TMEM117: variants seen among roughly 807,000 people sequenced by gnomAD.
The protein encoded by TMEM117 is transmembrane protein 117.
A neutral mutation model predicts 52.4 loss-of-function variants in TMEM117; 27 were observed. The observed-to-expected ratio is 0.51, with a 90% CI of 0.38 to 0.71. The LOEUF (loss-of-function observed/expected upper bound fraction) is 0.71. Ranked by LOEUF, TMEM117 falls within the 30% of genes least tolerant of loss-of-function variation. The pLI is 0.00. For missense variants in TMEM117, 556 were observed against 630.5 expected, an observed-to-expected ratio of 0.88 and a Z score of 1.26; for synonymous variants, 215 against 206.3, an observed-to-expected ratio of 1.04 and a Z score of -0.36.
the TMEM117 span, among the ~76,000 whole-genome samples, chr12:43,822,433 A>G: frequency 6.6e-6 from 1 of 151,804 alleles, no homozygotes; most frequent in East Asian, 1.9e-4. Context: ...AATTTGTGTA[A>G]TTTTATAGAT....
At chr12:44,168,638 A>AT (rs1335250222) in intron 4 of TMEM117, among the ~76,000 whole-genome samples, 1 of 151,982 alleles carries the variant, frequency 6.6e-6, no homozygotes, top group African/African-American at 2.4e-5. Context: ...TTTTCATGTT[A>AT]TTTTCTTGAT....
At chr12:44,035,018 A>G (rs929973504) in intron 3 of TMEM117, among the ~76,000 whole-genome samples, 39 of 152,310 alleles carry the variant, frequency 2.6e-4, no homozygotes, top group African/African-American at 8.9e-4. Context: ...CTGGTCCTCA[A>G]ACTGGAATTT....
intron 2 of TMEM117, among the ~76,000 whole-genome samples, chr12:43,856,831 C>T (rs1307285270): frequency 6.6e-6 from 1 of 151,780 alleles, no homozygotes; most frequent in Non-Finnish European, 1.5e-5. Flanking sequence ...AATAAAAAAG[C>T]AGTTCCTTAA....
At chr12:44,280,716 C>T (rs1383179606) in intron 5 of TMEM117, among the ~76,000 whole-genome samples, 1 of 152,096 alleles carries the variant, frequency 6.6e-6, no homozygotes, top group Non-Finnish European at 1.5e-5. Context: ...TTCCTGAATT[C>T]TCTGTGCCCT....
the TMEM117 span, chr12:43,806,370 C>G: frequency 1.6e-5 from 20 of 1,230,194 alleles, no homozygotes; most frequent in Admixed American, 9.0e-5. Context: ...CGCGGCCGCC[C>G]CGCCCCGTGA....
intron 3 of TMEM117, among the ~76,000 whole-genome samples, chr12:43,965,934 A>G (rs867877933): frequency 1.3e-5 from 2 of 152,214 alleles, no homozygotes; most frequent in Middle Eastern, 6.8e-3. Context: ...CCTAATGTCT[A>G]CTGTTGCCAT....
chr12:44,338,315 A>T (rs1951369477), intron 6 of TMEM117, among the ~76,000 whole-genome samples: 1 of 152,118 alleles, frequency 6.6e-6, no homozygotes, highest in African/African-American at 2.4e-5. Flanking sequence ...AAAGGTTTGC[A>T]GGAGTTTTTA....
chr12:44,194,019 A>G (rs886605881), intron 4 of TMEM117, among the ~76,000 whole-genome samples: 4 of 152,346 alleles, frequency 2.6e-5, no homozygotes, highest in Middle Eastern at 3.4e-3. Context: ...AATTATCTAT[A>G]TAGAACATAA....
intron 5 of TMEM117, among the ~76,000 whole-genome samples, chr12:44,226,108 T>A (rs1949857296): frequency 6.6e-6 from 1 of 152,170 alleles, no homozygotes; most frequent in African/African-American, 2.4e-5. Flanking sequence ...ATAGCAAAAA[T>A]TAATACAGCT....
At chr12:44,216,316 C>T (rs1949718404) in intron 5 of TMEM117, among the ~76,000 whole-genome samples, 1 of 152,052 alleles carries the variant, frequency 6.6e-6, no homozygotes, top group South Asian at 2.1e-4. Flanking sequence ...AAAAGGAGCT[C>T]TCTTTTCAGT....
At position 43,987,614 on chromosome 12, in the gene TMEM117, T is replaced by C. The variant is rs928804982; in HGVS notation, c.410+43272T>C. On this transcript the variant is annotated intron_variant, in intron 3 of 7. Coordinates refer to ENST00000266534, the MANE Select transcript of TMEM117 (RefSeq NM_032256.3). Reference sequence around the variant, plus strand: ...GTCAGTTGAAAACATATTAATCTAATGGACAAAAAATTGAGTATTATTTTA... The same window carrying C: ...GTCAGTTGAAAACATATTAATCTAACGGACAAAAAATTGAGTATTATTTTA... Among the ~76,000 whole-genome samples, 23 of 151,978 alleles carry C rather than the reference T, an allele frequency of 1.5e-4. 1 individual carries two copies. The highest frequency in any genetic ancestry group is 2.9e-5 in the Non-Finnish European group (2 of 67,962).
chr12:44,200,320 G>A (rs1023294922), intron 4 of TMEM117, among the ~76,000 whole-genome samples: 2 of 152,056 alleles, frequency 1.3e-5, no homozygotes, highest in African/African-American at 4.8e-5. Flanking sequence ...GAGCTGAAAC[G>A]GTTTTATGTT....
chr12:43,873,718 TA>T (rs200795257), intron 2 of TMEM117, among the ~76,000 whole-genome samples: 27 of 152,124 alleles, frequency 1.8e-4, no homozygotes, highest in Admixed American at 1.8e-3. Flanking sequence ...TTTTTCGTTT[TA>T]TTTTATTTTA....
chr12:43,917,575 G>A (rs1455805904), intron 2 of TMEM117, among the ~76,000 whole-genome samples: 1 of 152,216 alleles, frequency 6.6e-6, no homozygotes, highest in South Asian at 2.1e-4. Context: ...TCAGCCATCT[G>A]TCTCCCAAGC....
the TMEM117 span, chr12:43,797,943 ATAAT>A: frequency 1.8e-6 from 2 of 1,126,486 alleles, no homozygotes; most frequent in Non-Finnish European, 2.5e-6. Flanking sequence ...AGCCCAACCT[ATAAT>A]TAAAATTATT....
intron 4 of TMEM117, among the ~76,000 whole-genome samples, chr12:44,167,464 C>T (rs902979677): frequency 2.0e-5 from 3 of 151,678 alleles, no homozygotes; most frequent in Admixed American, 2.0e-4. Flanking sequence ...GCCAGGAGAT[C>T]GAGACCATCC....
intron 5 of TMEM117, among the ~76,000 whole-genome samples, chr12:44,284,720 T>C (rs1167429924): frequency 6.6e-6 from 1 of 152,242 alleles, no homozygotes; most frequent in Non-Finnish European, 1.5e-5. Context: ...TTCATTCTAC[T>C]AGTTATTAAG....
chr12:44,268,316 A>G (rs137902655), intron 5 of TMEM117, among the ~76,000 whole-genome samples: 93 of 150,508 alleles, frequency 6.2e-4, no homozygotes, highest in African/African-American at 2.2e-3. Flanking sequence ...TTTTTTTTTT[A>G]TACTTTTAGT....
At chr12:44,299,838 C>T in intron 6 of TMEM117, 99 bp downstream of exon 6, 3 of 1,389,240 alleles carry the variant, frequency 2.2e-6, no homozygotes, top group Non-Finnish European at 2.9e-6. Context: ...TAAATAAGTA[C>T]AGCATTTACA....
Sources: gnomAD v4.1 joint callset for allele counts (sites outside exome capture counted in the v4.1 genomes callset) on GRCh38, gnomAD v4.1.1 for gene constraint, MANE v1.5 for transcripts, NCBI Gene and HGNC (gene_info 2026-07-23, HGNC 2026-07-21) for gene names.